The following RAB22A variants were observed in gnomAD, a reference collection of about 807,000 sequenced individuals.
RAB22A encodes ras-related protein Rab-22A.
Under a neutral mutation model 30.2 loss-of-function variants are expected in RAB22A, and 13 were observed. That is an observed-to-expected ratio of 0.43 (90% CI 0.28 to 0.68). The LOEUF (loss-of-function observed/expected upper bound fraction) is 0.68, where lower values mean the gene tolerates loss of function less well. Among genes scored for constraint, RAB22A ranks in the 30% least tolerant of loss-of-function variants. The pLI, the probability that RAB22A is intolerant of heterozygous loss-of-function variation, is 0.18. For missense variants in RAB22A, 177 were observed against 246.8 expected (o/e 0.72, Z 1.89); for synonymous variants, 89 against 87.2 (o/e 1.02, Z -0.11).
Position 58,353,530 on chromosome 20 carries a change from C to T in RAB22A, c.369C>T (p.Ile123=), listed in dbSNP as rs1555855905. Residue 123 remains isoleucine, a synonymous_variant, in exon 5 of 7, where the codon ATC becomes ATT. Transcript: ENST00000244040. ...VAIAGNKCDL[I]DVREVMERDA... ...TTGCAGGAAATAAATGTGATCTTAT[C>T]GATGTAAGGTAAGTTATTAGAACGA... is the stretch of plus-strand genomic sequence containing the variant. 10 of 1,594,744 alleles carry T rather than the reference C, an allele frequency of 6.3e-6. No individual in the cohort carries two copies. The highest frequency in any genetic ancestry group is 1.7e-5 in the Admixed American group (1 of 59,976).
In RAB22A at chr20:58,363,151, A is replaced by T. The variant is rs554061490; in HGVS notation, c.*3448A>T. On this transcript the variant is annotated 3_prime_UTR_variant, in exon 7 of 7. Transcript: ENST00000244040. Reference sequence around the variant, plus strand: ...TTTAGGGCATTGTGTTAAAATAAGCAGTTTAGATTCCGACGACACTGCACT... The same window carrying T: ...TTTAGGGCATTGTGTTAAAATAAGCTGTTTAGATTCCGACGACACTGCACT... 1.3e-5 allele frequency: 2 copies of T among 152,214 alleles called. No homozygotes were observed. The highest frequency in any genetic ancestry group is 2.9e-5 in the Non-Finnish European group (2 of 68,046). 9.4% of individuals were successfully genotyped at this position (152,214 alleles called of 1,614,324 possible).
In RAB22A at chr20:58,359,715, CCT is replaced by C. The variant is rs1465794371; in HGVS notation, c.*16_*17del. ...GGAGCTGCTGCTGACCGAACCTCAG[CCT>C]CTCAGACTTGATGATGAAGTAGGTG... On this transcript the variant is annotated 3_prime_UTR_variant, in exon 7 of 7. Coordinates refer to ENST00000244040, the MANE Select transcript of RAB22A (RefSeq NM_020673.3). 6.3e-7 allele frequency: 1 copy of C among 1,590,518 alleles called. No individual in the cohort carries two copies. The highest frequency in any genetic ancestry group is 1.3e-5 in the African/African-American group (1 of 74,498).
chr20:58,347,080 A>G (rs1414247510), intron 3 of RAB22A, among the ~76,000 whole-genome samples: 1 of 152,084 alleles, frequency 6.6e-6, no homozygotes, highest in Non-Finnish European at 1.5e-5. Flanking sequence ...TCAAATTATA[A>G]ATTTCTGTTG....
intron 6 of RAB22A, among the ~76,000 whole-genome samples, chr20:58,358,836 A>G (rs1987176651): frequency 6.6e-6 from 1 of 151,498 alleles, no homozygotes; most frequent in African/African-American, 2.4e-5. Context: ...CTTAGGTTGC[A>G]GTGAGCCGAG....
intron 2 of RAB22A, among the ~76,000 whole-genome samples, chr20:58,312,162 C>A (rs527684636): frequency 6.6e-6 from 1 of 152,190 alleles, no homozygotes; most frequent in African/African-American, 2.4e-5. Flanking sequence ...ACCGTGTTTG[C>A]CATGCTGGTC....
At chr20:58,340,260 G>C (rs1213715721) in intron 2 of RAB22A, among the ~76,000 whole-genome samples, 1 of 152,188 alleles carries the variant, frequency 6.6e-6, no homozygotes, top group African/African-American at 2.4e-5. Context: ...TGACTTTGCT[G>C]TAACTCCTGG....
chr20:58,311,977 CAG>C (rs1299020192), intron 2 of RAB22A, among the ~76,000 whole-genome samples: 1 of 152,122 alleles, frequency 6.6e-6, no homozygotes, highest in Non-Finnish European at 1.5e-5. Context: ...TTTTTTGAGA[CAG>C]AGTTTCGCTC....
chr20:58,309,830 C>G lies in RAB22A; in HGVS notation c.-147C>G. On this transcript the variant is annotated 5_prime_UTR_variant, in exon 1 of 7. Transcript: ENST00000244040. The stretch of plus-strand genomic sequence containing the variant: ...GCTGGCAGCGGACAGGCCGGACCTA[C>G]GGCCGGAGGACGGGCGGCAGCCGCC... The G allele has an allele frequency of 1.4e-6, 1 of 730,778 alleles. No individual in the cohort carries two copies. Among genetic ancestry groups the G allele is most frequent in the East Asian group, 3.6e-5 (1 of 27,860 alleles). The allele number at this position is 730,778 out of a possible 1,614,324, so 45.3% of individuals were successfully genotyped here. A position where few individuals can be genotyped will look rare whatever the true frequency, so the allele number is the denominator to read the frequency against.
chr20:58,330,826 C>T (rs1986649731), intron 2 of RAB22A, among the ~76,000 whole-genome samples: 2 of 152,318 alleles, frequency 1.3e-5, no homozygotes, highest in South Asian at 4.1e-4. Flanking sequence ...GAAATCTCTG[C>T]TCAGCTCTTT....
chr20:58,321,084 G>A (rs1241078702), intron 2 of RAB22A, among the ~76,000 whole-genome samples: 1 of 152,122 alleles, frequency 6.6e-6, no homozygotes, highest in African/African-American at 2.4e-5. Flanking sequence ...CAGCTATTCA[G>A]GAGGCCGAGG....
chr20:58,344,890 G>T (rs1421485871), intron 3 of RAB22A, among the ~76,000 whole-genome samples: 2 of 152,156 alleles, frequency 1.3e-5, no homozygotes, highest in African/African-American at 4.8e-5. Context: ...TGGATGTTGT[G>T]CCTCTGTCCC....
At chr20:58,357,423 A>G (rs1019779959) in intron 6 of RAB22A, among the ~76,000 whole-genome samples, 6 of 152,120 alleles carry the variant, frequency 3.9e-5, no homozygotes, top group Non-Finnish European at 8.8e-5. Context: ...TGATTTTTTT[A>G]GTCAACTCCT....
chr20:58,332,352 A>C (rs559101382), intron 2 of RAB22A, among the ~76,000 whole-genome samples: 1 of 152,316 alleles, frequency 6.6e-6, no homozygotes, highest in Middle Eastern at 3.4e-3. Context: ...GGAGACTTGA[A>C]GTGGGGCAGG....
At chr20:58,321,718 T>C (rs186015795) in intron 2 of RAB22A, among the ~76,000 whole-genome samples, 6 of 141,906 alleles carry the variant, frequency 4.2e-5, no homozygotes, top group African/African-American at 1.4e-4. Flanking sequence ...TGTAGCATTG[T>C]TTTTATATAT....
At chr20:58,328,953 C>T (rs1329755570) in intron 2 of RAB22A, among the ~76,000 whole-genome samples, 3 of 152,110 alleles carry the variant, frequency 2.0e-5, no homozygotes, top group African/African-American at 4.8e-5. Flanking sequence ...TGACATTTAC[C>T]GATGGTCTAA....
chr20:58,356,275 C>T (rs1012126104), intron 6 of RAB22A, among the ~76,000 whole-genome samples: 1 of 149,562 alleles, frequency 6.7e-6, no homozygotes, highest in African/African-American at 2.5e-5. Context: ...CACGCCATTG[C>T]ACTCCAGCCT....
At chr20:58,352,033 A>C (rs1219893878) in intron 3 of RAB22A, among the ~76,000 whole-genome samples, 1 of 152,236 alleles carries the variant, frequency 6.6e-6, no homozygotes, top group East Asian at 1.9e-4. Flanking sequence ...ATATAATATC[A>C]GTAAAACAGA....
intron 6 of RAB22A, among the ~76,000 whole-genome samples, chr20:58,355,321 A>G (rs1310201198): frequency 6.6e-6 from 1 of 152,186 alleles, no homozygotes. Context: ...CAGCTCCATC[A>G]GCTGGGGCCA....
At chr20:58,318,273 T>TATAC (rs1296607632) in intron 2 of RAB22A, among the ~76,000 whole-genome samples, 2 of 152,254 alleles carry the variant, frequency 1.3e-5, no homozygotes, top group East Asian at 3.8e-4. Flanking sequence ...GGCTAAGTGT[T>TATAC]GTATAACAGT....
Sources: gnomAD v4.1 joint callset for allele counts (sites outside exome capture counted in the v4.1 genomes callset) on GRCh38, gnomAD v4.1.1 for gene constraint, MANE v1.5 for transcripts, NCBI Gene and HGNC (gene_info 2026-07-23, HGNC 2026-07-21) for gene names.